Variants in ROCK2 observed in about 807,000 individuals in gnomAD.
ROCK2 encodes rho-associated protein kinase 2.
ROCK2 carries 61 observed loss-of-function variants against 195.1 expected under a neutral mutation model. The observed-to-expected ratio is 0.31, with a 90% CI of 0.25 to 0.39. The LOEUF is 0.39. Among genes scored for constraint, ROCK2 ranks in the 10% least tolerant of loss-of-function variants. ROCK2 has a pLI of 1.00. For synonymous variants in ROCK2, 504 were observed against 545.5 expected, an observed-to-expected ratio of 0.92 and a Z score of 1.06; for missense variants, 1,109 against 1,637.4, an observed-to-expected ratio of 0.68 and a Z score of 5.57.
intron 1 of ROCK2, among the ~76,000 whole-genome samples, chr2:11,325,707 G>A (rs895390535): frequency 6.6e-6 from 1 of 152,142 alleles, no homozygotes; most frequent in Non-Finnish European, 1.5e-5. Context: ...ATACTTCAGA[G>A]AATAACAGGG....
intron 3 of ROCK2, among the ~76,000 whole-genome samples, chr2:11,284,021 T>G (rs1217487665): frequency 2.0e-5 from 3 of 152,190 alleles, no homozygotes; most frequent in Non-Finnish European, 2.9e-5. Context: ...TGCCCTTCAG[T>G]AGGTGAATGG....
At chr2:11,324,756 A>G (rs557021714) in intron 1 of ROCK2, among the ~76,000 whole-genome samples, 1 of 152,388 alleles carries the variant, frequency 6.6e-6, no homozygotes, top group East Asian at 1.9e-4. Context: ...AGTGCCTGGC[A>G]CATAGTAAGA....
chr2:11,258,878 TA>T lies in ROCK2; in HGVS notation c.325-9081del, dbSNP rs1000527857. On this transcript the variant is annotated intron_variant, in intron 3 of 32. Coordinates refer to ENST00000315872, the MANE Select transcript of ROCK2 (RefSeq NM_004850.5). ...TGATGTGTGGATCCTGGAAAGGGAT[TA>T]AAAAAAAAAGAAAACTGAAAAGGGA... Among the ~76,000 whole-genome samples the T allele has an allele frequency of 7.5e-3, 1,090 of 144,650 alleles. 56 individuals carry two copies. The highest frequency in any genetic ancestry group is 0.027 in the African/African-American group (1,027 of 38,500). The allele number at this position is 144,650 out of a possible 152,430, so 94.9% of individuals were successfully genotyped here.
intron 32 of ROCK2, 66 bp from the exon 33 acceptor site, chr2:11,183,506 G>A: frequency 8.3e-7 from 1 of 1,209,642 alleles, no homozygotes; most frequent in Non-Finnish European, 1.2e-6. Context: ...TAAATTCCTA[G>A]AAAAAGCATT....
Position 11,207,832 on chromosome 2 carries a change from G to C in ROCK2, c.2443C>G (p.Gln815Glu), listed in dbSNP as rs1338172145. 3 of 1,610,702 alleles carry C rather than the reference G, an allele frequency of 1.9e-6. No individual in the cohort carries two copies. The highest frequency in any genetic ancestry group is 2.5e-6 in the Non-Finnish European group (3 of 1,177,912). Residue 815 changes from glutamine to glutamate, a missense_variant, in exon 20 of 33, where the codon CAA becomes GAA. Physicochemically the swap from Gln to Glu is conservative, Grantham distance 29. Around this residue, in one of 6 missense-constraint regions of ROCK2, gnomAD observed 542 missense variants for 672.0 expected, o/e 0.81. Transcript: ENST00000315872. Reference protein sequence around the residue: ...LTQNDLKMQTQQVNTLKMSEK... With the variant: ...LTQNDLKMQTEQVNTLKMSEK... ...GACATTTTTAGTGTGTTAACCTGTT[G>C]TGTTTGCATCTTCAGGTCATTTTGT... is the stretch of plus-strand genomic sequence containing the variant.
intron 1 of ROCK2, among the ~76,000 whole-genome samples, chr2:11,320,671 G>C (rs1170157023): frequency 6.6e-6 from 1 of 152,082 alleles, no homozygotes; most frequent in Non-Finnish European, 1.5e-5. Flanking sequence ...TTACCAACTA[G>C]AAAAAATAAA....
intron 1 of ROCK2, among the ~76,000 whole-genome samples, chr2:11,303,766 A>G (rs1187411724): frequency 1.3e-5 from 2 of 152,072 alleles, no homozygotes; most frequent in Non-Finnish European, 2.9e-5. Context: ...ATCTCCCCCG[A>G]CTAACAGCCA....
rs886518441 is a variant in ROCK2, at chr2:11,217,342, C to A, written c.1333-173G>T. On this transcript the variant is annotated intron_variant, in intron 11 of 32. Transcript: ENST00000315872. ...CTTATATTGATAAAAGGAAAAACTC[C>A]CCCATCTCTTGCTTTCTATCAGAGT... is the stretch of plus-strand genomic sequence containing the variant. 9.9e-6 allele frequency: 7 copies of A among 708,890 alleles called. No individual in the cohort carries two copies. In the African/African-American group the frequency reaches 1.2e-4, roughly 12 times the overall value. The allele number at this position is 708,890 out of a possible 1,614,324, so 43.9% of individuals were successfully genotyped here. A position where few individuals can be genotyped will look rare whatever the true frequency, so the allele number is the denominator to read the frequency against.
intron 20 of ROCK2, among the ~76,000 whole-genome samples, chr2:11,206,824 C>G (rs1664068077): frequency 6.6e-6 from 1 of 152,234 alleles, no homozygotes; most frequent in Non-Finnish European, 1.5e-5. Context: ...AACAAGGAAG[C>G]TATTACTGCT....
At chr2:11,318,481 GTTCTT>G (rs1668297452) in intron 1 of ROCK2, among the ~76,000 whole-genome samples, 1 of 151,998 alleles carries the variant, frequency 6.6e-6, no homozygotes, top group Admixed American at 6.6e-5. Flanking sequence ...GTAAATTTGA[GTTCTT>G]TGTAGATTCT....
chr2:11,232,285 C>T (rs902607064), intron 5 of ROCK2, among the ~76,000 whole-genome samples: 4 of 152,084 alleles, frequency 2.6e-5, no homozygotes, highest in Admixed American at 1.3e-4. Flanking sequence ...TGCACCATCA[C>T]GCCTGGCTAA....
intron 3 of ROCK2, among the ~76,000 whole-genome samples, chr2:11,276,872 T>C (rs74867667): frequency 5.9e-5 from 9 of 152,280 alleles, no homozygotes; most frequent in African/African-American, 2.2e-4. Flanking sequence ...TATTTTGTTA[T>C]TATAAGGTAT....
intron 3 of ROCK2, among the ~76,000 whole-genome samples, chr2:11,260,381 G>C (rs554770320): frequency 2.1e-4 from 32 of 149,782 alleles, no homozygotes; most frequent in Middle Eastern, 3.4e-3. Flanking sequence ...CTGGGAGGTA[G>C]AGGTTGCAGT....
At chr2:11,298,500 CA>C (rs1280348096) in intron 1 of ROCK2, among the ~76,000 whole-genome samples, 3 of 146,776 alleles carry the variant, frequency 2.0e-5, no homozygotes, top group Non-Finnish European at 3.0e-5. Flanking sequence ...AAACCACACA[CA>C]GGGGCAAATG....
In ROCK2 at chr2:11,192,104, T is replaced by C. The variant is rs1248383256; in HGVS notation, c.4163+44A>G. 5.7e-6 allele frequency: 8 copies of C among 1,391,468 alleles called. No homozygotes were observed. The highest frequency in any genetic ancestry group is 7.9e-6 in the Non-Finnish European group (8 of 1,011,040). 86.2% of individuals were successfully genotyped at this position (1,391,468 alleles called of 1,614,324 possible). Reference sequence around the variant, plus strand: ...GTTTGAACATAAATAGCAAAATATTTTAATAGACTTTTTTTTTTTCCTTAC... The same window carrying C: ...GTTTGAACATAAATAGCAAAATATTCTAATAGACTTTTTTTTTTTCCTTAC... On this transcript the variant is annotated intron_variant, in intron 32 of 32. Transcript: ENST00000315872. The surrounding 1 kb of genome is among the most constrained non-coding windows in gnomAD (Gnocchi z 5.0).
chr2:11,303,037 G>A (rs1667754066), intron 1 of ROCK2, among the ~76,000 whole-genome samples: 1 of 152,072 alleles, frequency 6.6e-6, no homozygotes, highest in Non-Finnish European at 1.5e-5. Flanking sequence ...TTGCTGAGGG[G>A]TAGCCATGTA....
At chr2:11,318,371 G>A (rs1163558838) in intron 1 of ROCK2, among the ~76,000 whole-genome samples, 23 of 152,252 alleles carry the variant, frequency 1.5e-4, no homozygotes, top group African/African-American at 4.6e-4. Context: ...CAGTGATGAT[G>A]AGCATTTTTT....
At chr2:11,296,004 A>AGAGAGAGAGAGAGG (rs1667514504) in intron 1 of ROCK2, among the ~76,000 whole-genome samples, 2 of 32,816 alleles carry the variant, frequency 6.1e-5, no homozygotes, top group African/African-American at 2.1e-4. Context: ...AGAGAGAGAG[A>AGAGAGAGAGAGAGG]GGAGAGAGAG....
chr2:11,242,993 C>T (rs1665482094), intron 4 of ROCK2, among the ~76,000 whole-genome samples: 2 of 152,108 alleles, frequency 1.3e-5, no homozygotes, highest in African/African-American at 4.8e-5. Flanking sequence ...ACTTTCTTGC[C>T]TCATTTCACT....
Sources: allele counts gnomAD v4.1 joint callset (sites outside exome capture counted in the v4.1 genomes callset), GRCh38; gene constraint gnomAD v4.1.1; regional missense constraint gnomAD v4.1.1; non-coding constraint Gnocchi (gnomAD v3.1); transcripts MANE v1.5; gene names NCBI Gene and HGNC (gene_info 2026-07-23, HGNC 2026-07-21).